EXOC2: variants seen among roughly 807,000 people sequenced by gnomAD.
EXOC2 encodes exocyst complex component 2, also known as SEC5-like 1.
A neutral mutation model predicts 131.8 loss-of-function variants in EXOC2; 70 were observed. The observed-to-expected ratio is 0.53, with a 90% CI of 0.44 to 0.65. EXOC2 has a LOEUF of 0.65. Among genes scored for constraint, EXOC2 ranks in the 30% least tolerant of loss-of-function variants. EXOC2 has a pLI of 0.00. For missense variants in EXOC2, 923 were observed against 1,108.6 expected (o/e 0.83, Z 2.38); for synonymous variants, 411 against 398.4 (o/e 1.03, Z -0.38).
chr6:591,528 C>T (rs1320649520), intron 11 of EXOC2, among the ~76,000 whole-genome samples: 3 of 152,156 alleles, frequency 2.0e-5, no homozygotes, highest in African/African-American at 7.2e-5. Context: ...CTCCCTTCAG[C>T]TCTCAGAATG....
chr6:502,115 G>A (rs1033109811), intron 23 of EXOC2, among the ~76,000 whole-genome samples: 3 of 152,158 alleles, frequency 2.0e-5, no homozygotes, highest in South Asian at 4.1e-4. Context: ...TAAGCCGCAC[G>A]CCATGGAGGA....
chr6:673,519 G>C (rs1031211257), intron 1 of EXOC2, among the ~76,000 whole-genome samples: 3 of 152,056 alleles, frequency 2.0e-5, no homozygotes, highest in Admixed American at 1.3e-4. Context: ...TGGAATAACA[G>C]ATTCGTTAGG....
intron 1 of EXOC2, among the ~76,000 whole-genome samples, chr6:647,795 C>T (rs1313022964): frequency 6.6e-6 from 1 of 151,304 alleles, no homozygotes; most frequent in East Asian, 2.0e-4. Flanking sequence ...TTACACAGGG[C>T]TCTTAATCTT....
In EXOC2 at chr6:564,683, A is replaced by G; in HGVS notation, c.1529T>C (p.Met510Thr). The G allele has an allele frequency of 1.3e-6, 2 of 1,595,890 alleles. No homozygotes were observed. Among genetic ancestry groups the G allele is most frequent in the Non-Finnish European group, 1.7e-6 (2 of 1,170,896 alleles). The stretch of plus-strand genomic sequence containing the variant: ...GCGGGTAAGCTTCACCAGGGAGTGC[A>G]TTACTTCCTGAATCATTTTCTAGAA... ...NDFKKMIQEV[M>T]HSLVKLTRGA... Residue 510 changes from methionine to threonine, a missense_variant, in exon 15 of 28, where the codon ATG becomes ACG. Met to Thr is a moderately conservative substitution (Grantham distance 81, BLOSUM62 -1). Transcript: ENST00000230449.
At chr6:586,159 A>T (rs575609461) in intron 11 of EXOC2, among the ~76,000 whole-genome samples, 8 of 152,316 alleles carry the variant, frequency 5.3e-5, no homozygotes, top group African/African-American at 1.7e-4. Flanking sequence ...CAATTCAAGG[A>T]AACAGCAGGT....
At chr6:615,250 C>T (rs975023083) in intron 6 of EXOC2, among the ~76,000 whole-genome samples, 1 of 151,016 alleles carries the variant, frequency 6.6e-6, no homozygotes, top group African/African-American at 2.4e-5. Context: ...TCTGTCTCAC[C>T]TGTTCGTTCC....
intron 4 of EXOC2, among the ~76,000 whole-genome samples, chr6:626,055 G>A (rs1376166056): frequency 5.9e-5 from 9 of 152,032 alleles, no homozygotes. Context: ...GGTTTAAATA[G>A]TTTGTCAGCA....
intron 23 of EXOC2, among the ~76,000 whole-genome samples, chr6:522,927 T>G (rs536709320): frequency 6.6e-6 from 1 of 152,206 alleles, no homozygotes; most frequent in Non-Finnish European, 1.5e-5. Context: ...GGTCAGCACA[T>G]GACCAGTACT....
chr6:532,997 AAGG>A (rs1177766344), intron 22 of EXOC2, among the ~76,000 whole-genome samples: 3 of 152,208 alleles, frequency 2.0e-5, no homozygotes, highest in South Asian at 2.1e-4. Flanking sequence ...TCACAAGAAG[AAGG>A]AGAAGGTGGC....
At chr6:540,027 A>C (rs1766712979) in intron 22 of EXOC2, among the ~76,000 whole-genome samples, 1 of 152,232 alleles carries the variant, frequency 6.6e-6, no homozygotes, top group Non-Finnish European at 1.5e-5. Flanking sequence ...ATGAAACAGG[A>C]TATACTGTCA....
intron 23 of EXOC2, among the ~76,000 whole-genome samples, chr6:507,371 CACACACACA>C (rs1764627827): frequency 8.2e-6 from 1 of 121,768 alleles, no homozygotes. Flanking sequence ...CACACACACA[CACACACACA>C]GAGTGCTCCT....
chr6:522,405 G>A (rs1765519184), intron 23 of EXOC2, among the ~76,000 whole-genome samples: 1 of 151,180 alleles, frequency 6.6e-6, no homozygotes, highest in Non-Finnish European at 1.5e-5. Flanking sequence ...ACTGTGAGCT[G>A]GGCTGGGCTC....
chr6:612,750 G>A (rs1377242919), intron 6 of EXOC2, among the ~76,000 whole-genome samples: 1 of 152,102 alleles, frequency 6.6e-6, no homozygotes, highest in African/African-American at 2.4e-5. Flanking sequence ...AAGGAACAGG[G>A]GAAGGAAGAC....
At chr6:612,923 A>G (rs772068355) in intron 6 of EXOC2, among the ~76,000 whole-genome samples, 23 of 152,234 alleles carry the variant, frequency 1.5e-4, no homozygotes, top group Non-Finnish European at 2.6e-4. Flanking sequence ...AAGAGATTAT[A>G]CAGGTCACTA....
At chr6:495,780 C>T (rs185697772) in intron 25 of EXOC2, among the ~76,000 whole-genome samples, 4 of 152,294 alleles carry the variant, frequency 2.6e-5, no homozygotes, top group African/African-American at 9.6e-5. Context: ...TGCTAACTAA[C>T]GATGTTGTTC....
In EXOC2 at chr6:506,770, T is replaced by G. The variant is rs1300940269; in HGVS notation, c.2381-7070A>C. ...ACTGAGCAAGAACTTGTAGGCTGTTTCCTGTAAGCCAGCCGGTGTAACCCA... is the reference window on the plus strand; with the variant it reads ...ACTGAGCAAGAACTTGTAGGCTGTTGCCTGTAAGCCAGCCGGTGTAACCCA... On this transcript the variant is annotated intron_variant, in intron 23 of 27. Coordinates refer to ENST00000230449, the MANE Select transcript of EXOC2 (RefSeq NM_018303.6). The surrounding 1 kb of genome is among the most constrained non-coding windows in gnomAD (Gnocchi z 4.4). 6.6e-6 allele frequency among the ~76,000 whole-genome samples: 1 copy of G among 152,090 alleles called. No individual in the cohort carries two copies. The highest frequency in any genetic ancestry group is 1.5e-5 in the Non-Finnish European group (1 of 68,014).
chr6:624,760 A>C (rs1407886780), intron 4 of EXOC2, among the ~76,000 whole-genome samples: 2 of 152,246 alleles, frequency 1.3e-5, no homozygotes, highest in Non-Finnish European at 2.9e-5. Flanking sequence ...TAATGCCCTT[A>C]ATAACAGTAA....
intron 17 of EXOC2, among the ~76,000 whole-genome samples, chr6:561,801 G>T (rs923563478): frequency 1.3e-5 from 2 of 152,098 alleles, no homozygotes; most frequent in African/African-American, 2.4e-5. Context: ...GGCCAGGATG[G>T]TCTCGCTCTT....
At chr6:534,984 A>T (rs978147110) in intron 22 of EXOC2, among the ~76,000 whole-genome samples, 2 of 152,264 alleles carry the variant, frequency 1.3e-5, no homozygotes, top group African/African-American at 4.8e-5. Context: ...GCAAGAGAGA[A>T]CCAGTGGCTA....
Sources: gnomAD v4.1 joint callset for allele counts (sites outside exome capture counted in the v4.1 genomes callset) on GRCh38, gnomAD v4.1.1 for gene constraint, Gnocchi (gnomAD v3.1) non-coding constraint, MANE v1.5 for transcripts, NCBI Gene and HGNC (gene_info 2026-07-23, HGNC 2026-07-21) for gene names.